PDE4B: variants seen among roughly 807,000 people sequenced by gnomAD.
The protein encoded by PDE4B is 3',5'-cyclic-AMP phosphodiesterase 4B.
A neutral mutation model predicts 82.2 loss-of-function variants in PDE4B; 20 were observed. The observed-to-expected ratio is 0.24, with a 90% CI of 0.17 to 0.35. The LOEUF is 0.35. Among genes scored for constraint, PDE4B ranks in the 10% least tolerant of loss-of-function variants. PDE4B has a pLI of 1.00. For missense variants in PDE4B, 655 were observed against 907.2 expected (o/e 0.72, Z 3.57); for synonymous variants, 320 against 318.9 (o/e 1.00, Z -0.04).
At chr1:66,178,892 C>T (rs922775262) in intron 3 of PDE4B, among the ~76,000 whole-genome samples, 2 of 152,026 alleles carry the variant, frequency 1.3e-5, no homozygotes, top group Admixed American at 6.6e-5. Flanking sequence ...AATCTTGCTG[C>T]GCAGGCTGGA....
chr1:66,121,327 C>G (rs1230453617), intron 3 of PDE4B, among the ~76,000 whole-genome samples: 2 of 152,132 alleles, frequency 1.3e-5, no homozygotes, highest in African/African-American at 4.8e-5. Flanking sequence ...TTTGCTCCAA[C>G]ATGAGGAAAT....
At chr1:65,921,729 C>A (rs1647256235) in intron 3 of PDE4B, among the ~76,000 whole-genome samples, 1 of 152,162 alleles carries the variant, frequency 6.6e-6, no homozygotes, top group East Asian at 1.9e-4. Flanking sequence ...TGGATTTGGC[C>A]TGCCAGAGTT....
At chr1:66,306,567 A>G (rs946749318) in intron 7 of PDE4B, among the ~76,000 whole-genome samples, 1 of 152,190 alleles carries the variant, frequency 6.6e-6, no homozygotes, top group African/African-American at 2.4e-5. Flanking sequence ...CGTGACTGGG[A>G]GAAAGACGGT....
At chr1:66,005,299 A>AT (rs11386684) in intron 3 of PDE4B, among the ~76,000 whole-genome samples, 4 of 152,090 alleles carry the variant, frequency 2.6e-5, no homozygotes, top group African/African-American at 7.2e-5. Context: ...TATCACTTTT[A>AT]GCTTCCTGCA....
intron 7 of PDE4B, among the ~76,000 whole-genome samples, chr1:66,290,235 T>C (rs747292779): frequency 1.3e-5 from 2 of 152,074 alleles, no homozygotes; most frequent in Non-Finnish European, 2.9e-5. Context: ...GGTTGAGGTG[T>C]TGGCCTTTGT....
chr1:66,316,763 A>G (rs1016324404), intron 7 of PDE4B, among the ~76,000 whole-genome samples: 1 of 152,262 alleles, frequency 6.6e-6, no homozygotes, highest in Admixed American at 6.5e-5. Flanking sequence ...GCTGATAGCT[A>G]CAATCTTTCA....
intron 1 of PDE4B, among the ~76,000 whole-genome samples, chr1:65,865,420 G>T (rs944796707): frequency 3.3e-5 from 5 of 152,062 alleles, no homozygotes; most frequent in Non-Finnish European, 5.9e-5. Flanking sequence ...AGGTGCCTCT[G>T]GGGGGTGGCG....
intron 3 of PDE4B, among the ~76,000 whole-genome samples, chr1:66,034,449 A>C (rs749914841): frequency 2.0e-5 from 3 of 152,254 alleles, no homozygotes; most frequent in Non-Finnish European, 4.4e-5. Context: ...CAGTAAATTT[A>C]AATTATTCAT....
At chr1:66,117,423 A>G (rs1301355078) in intron 3 of PDE4B, among the ~76,000 whole-genome samples, 1 of 152,220 alleles carries the variant, frequency 6.6e-6, no homozygotes, top group Non-Finnish European at 1.5e-5. Context: ...TTGGGAGTCC[A>G]GAAGACCTTC....
intron 3 of PDE4B, among the ~76,000 whole-genome samples, chr1:65,933,848 G>A (rs1057043881): frequency 1.3e-5 from 2 of 152,130 alleles, no homozygotes; most frequent in African/African-American, 4.8e-5. Flanking sequence ...GTAACTGTTG[G>A]ATGAATCACT....
At chr1:66,227,171 C>T (rs895781662) in intron 3 of PDE4B, among the ~76,000 whole-genome samples, 13 of 152,270 alleles carry the variant, frequency 8.5e-5, no homozygotes, top group Admixed American at 2.6e-4. Flanking sequence ...AAGATGCATA[C>T]GAGACATCCA....
intron 8 of PDE4B, among the ~76,000 whole-genome samples, chr1:66,347,628 A>G: frequency 6.6e-6 from 1 of 152,350 alleles, no homozygotes; most frequent in Middle Eastern, 3.4e-3. Flanking sequence ...GAAATCGCTA[A>G]TCTAGAAGTG....
At chr1:66,251,776 G>A (rs1653806453) in intron 4 of PDE4B, among the ~76,000 whole-genome samples, 1 of 152,138 alleles carries the variant, frequency 6.6e-6, no homozygotes. Flanking sequence ...GCTCAGTGTG[G>A]TTGATCCAGA....
At chr1:66,074,305 A>G (rs2100936386) in intron 3 of PDE4B, among the ~76,000 whole-genome samples, 2 of 152,228 alleles carry the variant, frequency 1.3e-5, no homozygotes, top group East Asian at 3.9e-4. Context: ...GTCATGCTTC[A>G]TTTTGCTCAA....
intron 3 of PDE4B, among the ~76,000 whole-genome samples, chr1:66,104,598 C>A (rs1276308375): frequency 1.3e-5 from 2 of 148,342 alleles, no homozygotes; most frequent in Non-Finnish European, 3.0e-5. Flanking sequence ...TCTCCAGCAC[C>A]TGTTGTTTCC....
chr1:65,977,172 A>G (rs1650452007), intron 3 of PDE4B, among the ~76,000 whole-genome samples: 1 of 152,206 alleles, frequency 6.6e-6, no homozygotes, highest in Non-Finnish European at 1.5e-5. Flanking sequence ...ACATGGCAGA[A>G]TGCAGTGGTT....
At chr1:66,336,798 T>C (rs692956) in intron 8 of PDE4B, among the ~76,000 whole-genome samples, 151,086 of 152,282 alleles carry the variant, frequency 0.99, 74,950 homozygotes, top group East Asian at 1. Context: ...CTCCTGGCTA[T>C]GCAGGCTTAT....
intron 3 of PDE4B, among the ~76,000 whole-genome samples, chr1:65,964,100 A>G (rs1248976147): frequency 1.3e-5 from 2 of 152,106 alleles, no homozygotes; most frequent in Middle Eastern, 6.3e-3. Context: ...TGATTGATAT[A>G]ACACTTACAC....
At chr1:65,919,747 CAGAG>C (rs10537510) in intron 3 of PDE4B, among the ~76,000 whole-genome samples, 25,698 of 152,064 alleles carry the variant, frequency 0.17, 2,385 homozygotes, top group Middle Eastern at 0.3. Context: ...GTACCATGTA[CAGAG>C]CTCTGCCACA....
Sources: gnomAD v4.1 joint callset for allele counts (sites outside exome capture counted in the v4.1 genomes callset) on GRCh38, gnomAD v4.1.1 for gene constraint, MANE v1.5 for transcripts, NCBI Gene and HGNC (gene_info 2026-07-23, HGNC 2026-07-21) for gene names.